Variants in LRMDA observed in about 807,000 individuals in gnomAD.
The protein encoded by LRMDA is leucine-rich melanocyte differentiation-associated protein.
A neutral mutation model predicts 29.8 loss-of-function variants in LRMDA; 18 were observed. The observed-to-expected ratio is 0.60, with a 90% CI of 0.42 to 0.90. The LOEUF is 0.90. Ranked by LOEUF, LRMDA falls within the 40% of genes least tolerant of loss-of-function variation. The probability of loss-of-function intolerance (pLI) is 0.00; values close to 1 mark genes in which losing one functional copy is unlikely to be tolerated. For missense variants in LRMDA, 273 were observed against 273.9 expected (o/e 1.00, Z 0.02); for synonymous variants, 125 against 109.4 (o/e 1.14, Z -0.89).
At chr10:75,852,036 G>A (rs988209061) in intron 2 of LRMDA, among the ~76,000 whole-genome samples, 1 of 152,192 alleles carries the variant, frequency 6.6e-6, no homozygotes, top group African/African-American at 2.4e-5. Flanking sequence ...CCCTTCTCTA[G>A]AACAGATATC....
intron 6 of LRMDA, among the ~76,000 whole-genome samples, chr10:76,475,646 G>GAAGTA (rs1206309162): frequency 6.6e-6 from 1 of 152,034 alleles, no homozygotes; most frequent in Non-Finnish European, 1.5e-5. Flanking sequence ...CACATAGTTG[G>GAAGTA]AAGTAAAGCA....
chr10:76,126,686 G>A (rs1849890169), intron 5 of LRMDA, among the ~76,000 whole-genome samples: 1 of 152,094 alleles, frequency 6.6e-6, no homozygotes, highest in South Asian at 2.1e-4. Context: ...CTCCATGTAA[G>A]GGGCCTCATG....
intron 2 of LRMDA, among the ~76,000 whole-genome samples, chr10:75,671,781 TATA>T (rs993649895): frequency 5.9e-5 from 9 of 152,058 alleles, no homozygotes; most frequent in African/African-American, 2.2e-4. Context: ...GAACTTAAAG[TATA>T]ATAATAATTA....
intron 5 of LRMDA, chr10:76,242,111 C>T (rs1294429055): frequency 6.6e-6 from 1 of 152,092 alleles, no homozygotes; most frequent in Non-Finnish European, 1.5e-5. Flanking sequence ...GGAGTTTTGA[C>T]CTGCTCCATT....
intron 5 of LRMDA, among the ~76,000 whole-genome samples, chr10:76,067,195 C>G (rs1272687331): frequency 6.6e-6 from 1 of 152,170 alleles, no homozygotes; most frequent in Non-Finnish European, 1.5e-5. Context: ...ATGTTCTTAC[C>G]TCAAAGCCCC....
In LRMDA at chr10:75,998,262, T is replaced by C. The variant is rs554704323; in HGVS notation, c.132-37746T>C. ...TCTATAGTATTTGTTTTGACCAGAC[T>C]TATCCCCAAAAGTCTTCTCACTTTT... On this transcript the variant is annotated intron_variant, in intron 2 of 6. Coordinates refer to ENST00000611255, the MANE Select transcript of LRMDA (RefSeq NM_001305581.2). Among the ~76,000 whole-genome samples the C allele has an allele frequency of 1.2e-3, 180 of 152,320 alleles. 1 individual carries two copies. Among genetic ancestry groups the C allele is most frequent in the Admixed American group, 2.4e-3 (36 of 15,306 alleles).
chr10:75,981,716 G>A (rs905345860), intron 2 of LRMDA, among the ~76,000 whole-genome samples: 14 of 152,020 alleles, frequency 9.2e-5, no homozygotes, highest in African/African-American at 2.9e-4. Context: ...GCTGGGAATG[G>A]TGGTGGGCAT....
intron 2 of LRMDA, among the ~76,000 whole-genome samples, chr10:75,724,032 A>G (rs2132190483): frequency 6.6e-6 from 1 of 152,332 alleles, no homozygotes; most frequent in East Asian, 1.9e-4. Flanking sequence ...GATAAAAACA[A>G]TCAGATTTCC....
intron 2 of LRMDA, among the ~76,000 whole-genome samples, chr10:75,457,584 C>G (rs971005656): frequency 1.1e-4 from 16 of 152,196 alleles, no homozygotes; most frequent in African/African-American, 3.9e-4. Context: ...GGAGATAAAA[C>G]TGTAGGCACT....
intron 2 of LRMDA, among the ~76,000 whole-genome samples, chr10:75,700,260 T>TG (rs985089738): frequency 8.1e-5 from 12 of 148,540 alleles, no homozygotes; most frequent in Admixed American, 8.0e-4. Flanking sequence ...GTGTGAGTTT[T>TG]TTTTTTTTTT....
At chr10:76,003,097 G>A (rs1847588360) in intron 2 of LRMDA, among the ~76,000 whole-genome samples, 1 of 152,202 alleles carries the variant, frequency 6.6e-6, no homozygotes, top group Admixed American at 6.5e-5. Context: ...AGATTCTGCA[G>A]ATTACCAGTA....
intron 2 of LRMDA, among the ~76,000 whole-genome samples, chr10:75,607,666 TGTTTTG>T (rs1840972476): frequency 6.6e-6 from 1 of 152,136 alleles, no homozygotes. Context: ...ATCACTGCCT[TGTTTTG>T]GTTTTGTAAC....
chr10:76,502,802 C>T (rs1842924107), intron 6 of LRMDA, among the ~76,000 whole-genome samples: 1 of 150,488 alleles, frequency 6.6e-6, no homozygotes. Flanking sequence ...TTGGCAGAGT[C>T]TTTAGGGTTT....
At chr10:75,437,822 C>T (rs1423406768) in intron 1 of LRMDA, among the ~76,000 whole-genome samples, 1 of 152,132 alleles carries the variant, frequency 6.6e-6, no homozygotes, top group African/African-American at 2.4e-5. Flanking sequence ...TGCCCTGTTG[C>T]CTTCAAATCA....
chr10:75,784,823 A>G (rs998156025), intron 2 of LRMDA, among the ~76,000 whole-genome samples: 2 of 152,200 alleles, frequency 1.3e-5, no homozygotes, highest in South Asian at 2.1e-4. Context: ...GGAGTGAAAT[A>G]CTTGTTTCAT....
intron 5 of LRMDA, among the ~76,000 whole-genome samples, chr10:76,103,452 A>G (rs180707000): frequency 7.2e-4 from 110 of 152,180 alleles, no homozygotes; most frequent in African/African-American, 2.5e-3. Flanking sequence ...CTGTTCTCTC[A>G]CAGTAGATGC....
Position 76,258,800 on chromosome 10 carries a change from A to G in LRMDA, c.517-65601A>G, listed in dbSNP as rs1006142974. On this transcript the variant is annotated intron_variant, in intron 5 of 6. Coordinates refer to ENST00000611255, the MANE Select transcript of LRMDA (RefSeq NM_001305581.2). ...TGCCGTGAATGACAGGATTTAATTT[A>G]TTTTTATGGCTGAGTGATATTCCAT... Among the ~76,000 whole-genome samples, 3 of 152,096 alleles carry G rather than the reference A, an allele frequency of 2.0e-5. No individual in the cohort carries two copies. The East Asian group carries it at 5.8e-4, about 29-fold the overall frequency.
At chr10:76,168,487 A>G (rs909255259) in intron 5 of LRMDA, among the ~76,000 whole-genome samples, 4 of 152,180 alleles carry the variant, frequency 2.6e-5, no homozygotes, top group Admixed American at 2.6e-4. Context: ...GTTTTGAACA[A>G]CTTTGCTCAA....
At chr10:76,019,639 T>C (rs533946203) in intron 2 of LRMDA, among the ~76,000 whole-genome samples, 2 of 152,298 alleles carry the variant, frequency 1.3e-5, no homozygotes, top group South Asian at 4.1e-4. Context: ...TCCTGAGGCA[T>C]TTTAAGGTAG....
Sources: allele counts gnomAD v4.1 joint callset (sites outside exome capture counted in the v4.1 genomes callset), GRCh38; gene constraint gnomAD v4.1.1; transcripts MANE v1.5; gene names NCBI Gene and HGNC (gene_info 2026-07-23, HGNC 2026-07-21).